Variants in CCDC185 observed in about 807,000 individuals in gnomAD.
The protein encoded by CCDC185 is coiled-coil domain containing 185, also known as coiled-coil domain-containing protein 185.
For missense variants in CCDC185, 982 were observed against 825.3 expected (o/e 1.19, Z -2.33); for synonymous variants, 381 against 348.1 (o/e 1.09, Z -1.05).
chr1:223,395,353 A>G lies in CCDC185; in HGVS notation c.*6A>G, dbSNP rs745517399. ...AGCAGAACAGGGGTTACTGAGAACC[A>G]AGGACGCCTGGCTTACAGTGCGCAG... is the stretch of plus-strand genomic sequence containing the variant. On this transcript the variant is annotated 3_prime_UTR_variant, in exon 1 of 1. Coordinates refer to ENST00000366875, the MANE Select transcript of CCDC185 (RefSeq NM_152610.3). 2.7e-6 allele frequency: 4 copies of G among 1,505,624 alleles called. No individual in the cohort carries two copies. The Admixed American group carries it at 9.4e-5, about 35-fold the overall frequency. The allele number at this position is 1,505,624 out of a possible 1,614,324, so 93.3% of individuals were successfully genotyped here. A position where few individuals can be genotyped will look rare whatever the true frequency, so the allele number is the denominator to read the frequency against.
In CCDC185 at chr1:223,394,207, G is replaced by A. The variant is rs1196492727; in HGVS notation, c.732G>A (p.Lys244=). 1 of 1,614,010 alleles carries A rather than the reference G, an allele frequency of 6.2e-7. No individual in the cohort carries two copies. The highest frequency in any genetic ancestry group is 8.5e-7 in the Non-Finnish European group (1 of 1,180,040). Reference sequence around the variant, plus strand: ...GGAGCCCGCACACCCAGGTCCTGAAGAGCAAGCTGGAAGAGGTGGTGGTGT... The same window carrying A: ...GGAGCCCGCACACCCAGGTCCTGAAAAGCAAGCTGGAAGAGGTGGTGGTGT... ...EMRSPHTQVL[K]SKLEEVVVSS... is the part of the protein sequence containing the mutation. Residue 244 remains lysine, a synonymous_variant, in exon 1 of 1, where the codon AAG becomes AAA. Coordinates refer to ENST00000366875, the MANE Select transcript of CCDC185 (RefSeq NM_152610.3).
rs981563098 is a variant in CCDC185 at position 223,394,489 on chromosome 1, C to A, written c.1014C>A (p.Asn338Lys). The A allele has an allele frequency of 6.3e-7, 1 of 1,579,132 alleles. No individual in the cohort carries two copies. Among genetic ancestry groups the A allele is most frequent in the South Asian group, 1.1e-5 (1 of 87,038 alleles). The change falls in exon 1 of 1, where the codon AAC (asparagine) becomes AAA (lysine). Residue 338 changes from asparagine (N) to lysine (K), a missense_variant. Asn to Lys is a moderately conservative substitution (Grantham distance 94, BLOSUM62 0). Coordinates refer to ENST00000366875, the MANE Select transcript of CCDC185 (RefSeq NM_152610.3). ...TGCGGCGGGACAGCCAGAGGAAGAACGTGCCCCCGGGGGAAAGCCGGTGGA... is the reference window on the plus strand; with the variant it reads ...TGCGGCGGGACAGCCAGAGGAAGAAAGTGCCCCCGGGGGAAAGCCGGTGGA... Reference protein sequence around the residue: ...RGLRRDSQRKNVPPGESRWKE... With the variant: ...RGLRRDSQRKKVPPGESRWKE...
At position 223,393,466 on chromosome 1, in the gene CCDC185, A is replaced by G. The variant is rs1296029499; in HGVS notation, c.-10A>G. The G allele has an allele frequency of 2.1e-6, 3 of 1,455,704 alleles. No individual in the cohort carries two copies. Among genetic ancestry groups the G allele is most frequent in the Non-Finnish European group, 2.7e-6 (3 of 1,104,676 alleles). 90.2% of individuals were successfully genotyped at this position (1,455,704 alleles called of 1,614,324 possible). ...CCTTGGGCAGACGCTGCGCGTGCCC[A>G]GAGGGAGGGATGGCAGGCTTCAGCC... On this transcript the variant is annotated 5_prime_UTR_variant, in exon 1 of 1. Coordinates refer to ENST00000366875, the MANE Select transcript of CCDC185 (RefSeq NM_152610.3). This position sits in a 1 kb window ranked among gnomAD's most constrained non-coding sequence, Gnocchi z 4.8.
chr1:223,395,057 A>G lies in CCDC185; in HGVS notation c.1582A>G (p.Lys528Glu), dbSNP rs1055879612. 10 of 1,614,060 alleles carry G rather than the reference A, an allele frequency of 6.2e-6. No individual in the cohort carries two copies. The highest frequency in any genetic ancestry group is 7.6e-6 in the Non-Finnish European group (9 of 1,180,034). The stretch of plus-strand genomic sequence containing the variant: ...TCACGTGCACAAGACCACTAGGGAC[A>G]AGGTGCAGCACCTCCGGGAGCTCAA... Reference protein sequence around the residue: ...RSHVHKTTRDKVQHLRELNHL... With the variant: ...RSHVHKTTRDEVQHLRELNHL... Residue 528 changes from lysine to glutamate, a missense_variant, in exon 1 of 1, where the codon AAG (lysine) becomes GAG (glutamate). Lys to Glu is a moderately conservative substitution (Grantham distance 56). Transcript: ENST00000366875.
chr1:223,394,430 C>A lies in CCDC185; in HGVS notation c.955C>A (p.Arg319Ser). Residue 319 changes from arginine (R) to serine (S), a missense_variant, in exon 1 of 1, where the codon CGC becomes AGC. Transcript: ENST00000366875. ...GGAGCAGTGGCAGGAGAAGGAGCAG[C>A]GCAAGACCCTCCAGAGCCCTGAGCA... is the stretch of plus-strand genomic sequence containing the variant. ...SQEQWQEKEQRKTLQSPEQRG... is the reference protein window; with the variant it reads ...SQEQWQEKEQSKTLQSPEQRG... The A allele has an allele frequency of 3.8e-6, 6 of 1,567,306 alleles. No homozygotes were observed. The highest frequency in any genetic ancestry group is 4.3e-6 in the Non-Finnish European group (5 of 1,156,808).
rs866063010 is a variant in CCDC185, at chr1:223,394,005, G to A, written c.530G>A (p.Gly177Asp). 2 of 1,614,116 alleles carry A rather than the reference G, an allele frequency of 1.2e-6. No homozygotes were observed. The highest frequency in any genetic ancestry group is 1.7e-6 in the Non-Finnish European group (2 of 1,180,006). The change falls in exon 1 of 1, where the codon GGC (glycine) becomes GAC (aspartate). Residue 177 changes from glycine to aspartate, a missense_variant. By Grantham distance (94) the Gly-to-Asp change is moderately conservative. Transcript: ENST00000366875. ...QGGDQWAVPL[G>D]RHLGRWSPSS... ...GGAGACCAGTGGGCAGTGCCACTCG[G>A]CAGACATCTAGGTCGCTGGTCCCCT... is the stretch of plus-strand genomic sequence containing the variant.
the CCDC185 span, chr1:223,394,982 A>T: frequency 1.2e-6 from 2 of 1,614,126 alleles, no homozygotes; most frequent in Non-Finnish European, 8.5e-7. Flanking sequence ...GAAGATGCGC[A>T]AAAGAATTCT....
rs1010649111 is a variant in CCDC185, at chr1:223,394,069, A to T, written c.594A>T (p.Gln198His). ...CGGAGCGGTCTTCTGTGCCCTCGCA[A>T]AAGTTCAAGAGGCACTCAGCCTGCG... ...VPSERSSVPS[Q>H]KFKRHSACVC... The change falls in exon 1 of 1, where the codon CAA (glutamine) becomes CAT (histidine). Residue 198 changes from glutamine to histidine, a missense_variant. Physicochemically the swap from Gln to His is conservative, Grantham distance 24. Transcript: ENST00000366875. 6.2e-7 allele frequency: 1 copy of T among 1,614,004 alleles called. No homozygotes were observed. The highest frequency in any genetic ancestry group is 1.3e-5 in the African/African-American group (1 of 74,942).
chr1:223,394,492 GC>G, the CCDC185 span: 1 of 1,581,514 alleles, frequency 6.3e-7, no homozygotes, highest in Non-Finnish European at 8.6e-7. Flanking sequence ...GGAAGAACGT[GC>G]CCCCGGGGGA....
chr1:223,395,372 T>A lies in CCDC185; in HGVS notation c.*25T>A, dbSNP rs773654052. On this transcript the variant is annotated 3_prime_UTR_variant, in exon 1 of 1. Transcript: ENST00000366875. ...AGAACCAAGGACGCCTGGCTTACAG[T>A]GCGCAGCCAGAAGGAGATGTGGCAA... 2.7e-6 allele frequency: 4 copies of A among 1,491,964 alleles called. No individual in the cohort carries two copies. The highest frequency in any genetic ancestry group is 3.6e-6 in the Non-Finnish European group (4 of 1,122,052). The allele number at this position is 1,491,964 out of a possible 1,614,324, so 92.4% of individuals were successfully genotyped here.
chr1:223,393,588 C>A lies in CCDC185; in HGVS notation c.113C>A (p.Ala38Asp), dbSNP rs1227722745. 6.5e-7 allele frequency: 1 copy of A among 1,529,654 alleles called. No individual in the cohort carries two copies. The highest frequency in any genetic ancestry group is 8.8e-7 in the Non-Finnish European group (1 of 1,142,746). The allele number at this position is 1,529,654 out of a possible 1,614,324, so 94.8% of individuals were successfully genotyped here. The change falls in exon 1 of 1, where the codon GCC becomes GAC. Residue 38 changes from alanine (A) to aspartate (D), a missense_variant. Transcript: ENST00000366875. The surrounding 1 kb of genome is among the most constrained non-coding windows in gnomAD (Gnocchi z 4.8). The stretch of plus-strand genomic sequence containing the variant: ...CGGCTGGGCGGGCAGAGGTCCGGAG[C>A]CGACTCCACCGCGTGCTCCCGGGCC... ...TQRLGGQRSG[A>D]DSTACSRAGT...
rs774588468 is a variant in CCDC185, at chr1:223,394,867, G to C, written c.1392G>C (p.Gln464His). Residue 464 changes from glutamine to histidine, a missense_variant, in exon 1 of 1, where the codon CAG becomes CAC. Physicochemically the swap from Gln to His is conservative, Grantham distance 24. Coordinates refer to ENST00000366875, the MANE Select transcript of CCDC185 (RefSeq NM_152610.3). ...TCCAGCGGTCCCAGGAGATACACCA[G>C]GGCCTGAGGAAGGAGCGGCAACGCG... is the stretch of plus-strand genomic sequence containing the variant. ...QSFQRSQEIHQGLRKERQREL... is the reference protein window; with the variant it reads ...QSFQRSQEIHHGLRKERQREL... The C allele has an allele frequency of 6.8e-6, 11 of 1,614,028 alleles. No homozygotes were observed. The African/African-American group carries it at 1.3e-4, about 20-fold the overall frequency.
chr1:223,393,611 G>C lies in CCDC185; in HGVS notation c.136G>C (p.Ala46Pro). 6.6e-7 allele frequency: 1 copy of C among 1,525,784 alleles called. No homozygotes were observed. Among genetic ancestry groups the C allele is most frequent in the South Asian group, 1.3e-5 (1 of 78,728 alleles). The allele number at this position is 1,525,784 out of a possible 1,614,324, so 94.5% of individuals were successfully genotyped here. Residue 46 changes from alanine (A) to proline (P), a missense_variant, in exon 1 of 1, where the codon GCC (alanine) becomes CCC (proline). Ala to Pro is a conservative substitution (Grantham distance 27). Transcript: ENST00000366875. The surrounding 1 kb of genome is among the most constrained non-coding windows in gnomAD (Gnocchi z 4.8). ...SGADSTACSR[A>P]GTPGAESEAG... is the part of the protein sequence containing the mutation. The stretch of plus-strand genomic sequence containing the variant: ...AGCCGACTCCACCGCGTGCTCCCGG[G>C]CCGGGACTCCGGGTGCGGAGAGCGA...
rs781545110 is a variant in CCDC185 at position 223,395,068 on chromosome 1, C to T, written c.1593C>T (p.His531=). 9.9e-6 allele frequency: 16 copies of T among 1,614,026 alleles called. No homozygotes were observed. Among genetic ancestry groups the T allele is most frequent in the African/African-American group, 1.3e-5 (1 of 74,910 alleles). ...AGACCACTAGGGACAAGGTGCAGCACCTCCGGGAGCTCAACCACCTGAGGG... is the reference window on the plus strand; with the variant it reads ...AGACCACTAGGGACAAGGTGCAGCATCTCCGGGAGCTCAACCACCTGAGGG... The part of the protein sequence containing the change: ...VHKTTRDKVQ[H]LRELNHLREK... The change falls in exon 1 of 1, where the codon CAC becomes CAT. Residue 531 remains histidine (H), a synonymous_variant. Coordinates refer to ENST00000366875, the MANE Select transcript of CCDC185 (RefSeq NM_152610.3).
Position 223,393,828 on chromosome 1 carries a change from G to T in CCDC185, c.353G>T (p.Arg118Leu). The T allele has an allele frequency of 1.3e-6, 2 of 1,593,820 alleles. No homozygotes were observed. Among genetic ancestry groups the T allele is most frequent in the Non-Finnish European group, 1.7e-6 (2 of 1,171,372 alleles). The change falls in exon 1 of 1, where the codon CGC (arginine) becomes CTC (leucine). Residue 118 changes from arginine to leucine, a missense_variant. Transcript: ENST00000366875. The surrounding 1 kb of genome is among the most constrained non-coding windows in gnomAD (Gnocchi z 4.8). ...DAWGETGTKP[R>L]PAWQPQTQLP... ...TGGGGAGAGACAGGAACCAAGCCCC[G>T]CCCGGCTTGGCAGCCGCAGACCCAG...
Position 223,394,382 on chromosome 1 carries a change from C to T in CCDC185, c.907C>T (p.Arg303Trp), listed in dbSNP as rs374835925. Residue 303 changes from arginine (R) to tryptophan (W), a missense_variant, in exon 1 of 1, where the codon CGG (arginine) becomes TGG (tryptophan). Transcript: ENST00000366875. ...CCAGATGACCCTGGAGCGGGAGCGC[C>T]GGCTGCTGCTGCGGCAGAGCCAGGA... is the stretch of plus-strand genomic sequence containing the variant. ...KVQMTLERERRLLLRQSQEQW... is the reference protein window; with the variant it reads ...KVQMTLERERWLLLRQSQEQW... The T allele has an allele frequency of 3.9e-5, 62 of 1,572,224 alleles. No homozygotes were observed. The African/African-American group carries it at 6.5e-4, about 16-fold the overall frequency.
Position 223,394,233 on chromosome 1 carries a change from C to T in CCDC185, c.758C>T (p.Ser253Phe), listed in dbSNP as rs750121015. 1.2e-6 allele frequency: 2 copies of T among 1,613,936 alleles called. No individual in the cohort carries two copies. The highest frequency in any genetic ancestry group is 1.7e-6 in the Non-Finnish European group (2 of 1,180,036). The part of the protein sequence containing the change: ...LKSKLEEVVV[S>F]SQDQQIVALV... ...AGCAAGCTGGAAGAGGTGGTGGTGT[C>T]CTCCCAGGACCAGCAGATTGTGGCC... is the stretch of plus-strand genomic sequence containing the variant. Residue 253 changes from serine (S) to phenylalanine (F), a missense_variant, in exon 1 of 1, where the codon TCC becomes TTC. Ser to Phe is a radical substitution (Grantham distance 155, BLOSUM62 -2). Coordinates refer to ENST00000366875, the MANE Select transcript of CCDC185 (RefSeq NM_152610.3).
chr1:223,395,392 TG>T lies in CCDC185; in HGVS notation c.*47del. 6.9e-7 allele frequency: 1 copy of T among 1,453,858 alleles called. No homozygotes were observed. The allele number at this position is 1,453,858 out of a possible 1,614,324, so 90.1% of individuals were successfully genotyped here. Reference sequence around the variant, plus strand: ...TACAGTGCGCAGCCAGAAGGAGATGTGGCAATGTGATTCCTTTTGTAATCTG... The same window carrying T: ...TACAGTGCGCAGCCAGAAGGAGATGTGCAATGTGATTCCTTTTGTAATCTG... On this transcript the variant is annotated 3_prime_UTR_variant, in exon 1 of 1. Coordinates refer to ENST00000366875, the MANE Select transcript of CCDC185 (RefSeq NM_152610.3).
At position 223,394,457 on chromosome 1, in the gene CCDC185, C is replaced by A; in HGVS notation, c.982C>A (p.Arg328Ser). Reference sequence around the variant, plus strand: ...CAAGACCCTCCAGAGCCCTGAGCAGCGCGGCCTGCGGCGGGACAGCCAGAG... The same window carrying A: ...CAAGACCCTCCAGAGCCCTGAGCAGAGCGGCCTGCGGCGGGACAGCCAGAG... ...QRKTLQSPEQRGLRRDSQRKN... is the reference protein window; with the variant it reads ...QRKTLQSPEQSGLRRDSQRKN... The change falls in exon 1 of 1, where the codon CGC (arginine) becomes AGC (serine). Residue 328 changes from arginine (R) to serine (S), a missense_variant. Arg to Ser is a moderately radical substitution (Grantham distance 110). Transcript: ENST00000366875. 1.9e-6 allele frequency: 3 copies of A among 1,572,180 alleles called. No individual in the cohort carries two copies. Among genetic ancestry groups the A allele is most frequent in the Non-Finnish European group, 2.6e-6 (3 of 1,159,490 alleles).
Sources: allele counts gnomAD v4.1 joint callset, GRCh38; gene constraint gnomAD v4.1.1; non-coding constraint Gnocchi (gnomAD v3.1); transcripts MANE v1.5; gene names NCBI Gene and HGNC (gene_info 2026-07-23, HGNC 2026-07-21).